Variants in PHF24 observed in about 807,000 individuals in gnomAD.
PHF24 encodes the protein Galpha inhibitory interacting protein.
A neutral mutation model predicts 42.6 loss-of-function variants in PHF24; 25 were observed. That is an observed-to-expected ratio of 0.59 (90% CI 0.43 to 0.82). The LOEUF (loss-of-function observed/expected upper bound fraction) is 0.82, where lower values mean the gene tolerates loss of function less well. PHF24 is among the 40% of genes least tolerant of loss of function. The pLI, the probability that PHF24 is intolerant of heterozygous loss-of-function variation, is 0.00. For synonymous variants in PHF24, 185 were observed against 204.8 expected, an observed-to-expected ratio of 0.90 and a Z score of 0.83; for missense variants, 470 against 538.1, an observed-to-expected ratio of 0.87 and a Z score of 1.25.
At chr9:34,955,539 T>A (rs1192830530), upstream of PHF24, among the ~76,000 whole-genome samples, 1 of 152,146 alleles carries the variant, frequency 6.6e-6, no homozygotes, top group African/African-American at 2.4e-5. Flanking sequence ...TAGCCAGGTG[T>A]GGTGGCACAT....
chr9:34,892,852 T>C, the PHF24 span: 1 of 698,004 alleles, frequency 1.4e-6, no homozygotes, highest in Non-Finnish European at 2.6e-6. Flanking sequence ...ACCGGGCAGC[T>C]GACTGGGTTA....
chr9:34,763,517 A>T, the PHF24 span, among the ~76,000 whole-genome samples: 8 of 152,122 alleles, frequency 5.3e-5, no homozygotes, highest in Admixed American at 1.3e-4. Flanking sequence ...TTGGTATACA[A>T]GAATGCTTGT....
chr9:34,909,129 A>G, the PHF24 span, among the ~76,000 whole-genome samples: 1 of 151,378 alleles, frequency 6.6e-6, no homozygotes, highest in Non-Finnish European at 1.5e-5. Flanking sequence ...ATTACAGGTG[A>G]GCCACCATGC....
chr9:34,854,161 CTCTTT>C, the PHF24 span, among the ~76,000 whole-genome samples: 8 of 131,708 alleles, frequency 6.1e-5, no homozygotes, highest in Admixed American at 4.0e-4. Flanking sequence ...ATTTGGTTCT[CTCTTT>C]TCTTTATTAG....
chr9:34,779,788 C>T, the PHF24 span, among the ~76,000 whole-genome samples: 4 of 152,088 alleles, frequency 2.6e-5, no homozygotes, highest in African/African-American at 4.8e-5. Context: ...TGCAATGGCG[C>T]GATCTTGGCT....
At chr9:34,875,744 G>C in the PHF24 span, among the ~76,000 whole-genome samples, 2 of 152,032 alleles carry the variant, frequency 1.3e-5, no homozygotes, top group Non-Finnish European at 2.9e-5. Flanking sequence ...CTTCCACCAG[G>C]TGTGTCGGTT....
the PHF24 span, among the ~76,000 whole-genome samples, chr9:34,838,807 A>C: frequency 6.6e-6 from 1 of 152,258 alleles, no homozygotes. Flanking sequence ...GTCCTTCACA[A>C]CTGTATGGTC....
At chr9:34,836,857 T>C in the PHF24 span, among the ~76,000 whole-genome samples, 2 of 152,216 alleles carry the variant, frequency 1.3e-5, no homozygotes, top group Admixed American at 6.5e-5. Context: ...ATTTCAGAAC[T>C]ACTGTGACCC....
At chr9:34,690,323 G>A in the PHF24 span, 1 of 1,613,946 alleles carries the variant, frequency 6.2e-7, no homozygotes, top group Non-Finnish European at 8.5e-7. Context: ...CAGCATCATT[G>A]GTGCCACTCA....
At chr9:34,847,396 CTGTT>C in the PHF24 span, among the ~76,000 whole-genome samples, 13 of 152,264 alleles carry the variant, frequency 8.5e-5, no homozygotes, top group Middle Eastern at 3.4e-3. Context: ...ATTTGGCTCT[CTGTT>C]TGTCTGTTAT....
chr9:34,942,861 C>A, the PHF24 span, among the ~76,000 whole-genome samples: 3 of 150,798 alleles, frequency 2.0e-5, no homozygotes, highest in African/African-American at 4.9e-5. Flanking sequence ...GGATGGGGGG[C>A]AGGGGGGAGG....
chr9:34,768,523 G>A, the PHF24 span, among the ~76,000 whole-genome samples: 3 of 152,272 alleles, frequency 2.0e-5, no homozygotes, highest in African/African-American at 7.2e-5. Flanking sequence ...TAAAAAATCT[G>A]TAAAATGGAG....
chr9:34,976,263 G>A (rs1311777349), intron 4 of PHF24, 33 bp downstream of exon 4: 2 of 1,551,662 alleles, frequency 1.3e-6, no homozygotes, highest in East Asian at 2.2e-5. Flanking sequence ...GGATGGAGAG[G>A]GGCCGGGCAG....
chr9:34,685,303 G>A, the PHF24 span, among the ~76,000 whole-genome samples: 2 of 152,150 alleles, frequency 1.3e-5, no homozygotes, highest in Non-Finnish European at 2.9e-5. Context: ...AGTAGGGTGG[G>A]CATTGCTGTA....
chr9:34,917,539 C>T, the PHF24 span: 54 of 775,396 alleles, frequency 7.0e-5, no homozygotes, highest in East Asian at 1.2e-3. Flanking sequence ...AACGGATAAT[C>T]GACGTGATGA....
At chr9:34,804,080 AGAG>A in the PHF24 span, among the ~76,000 whole-genome samples, 1 of 152,172 alleles carries the variant, frequency 6.6e-6, no homozygotes, top group African/African-American at 2.4e-5. Flanking sequence ...GGGGCCAGAG[AGAG>A]ACCCAAGGTT....
the PHF24 span, among the ~76,000 whole-genome samples, chr9:34,857,357 T>C: frequency 3.3e-3 from 510 of 152,314 alleles, 1 homozygote; most frequent in South Asian, 0.018. Flanking sequence ...TATGCAAAAC[T>C]CCTGGGTCTT....
At chr9:34,840,349 A>G in the PHF24 span, among the ~76,000 whole-genome samples, 1 of 148,546 alleles carries the variant, frequency 6.7e-6, no homozygotes. Flanking sequence ...AATGAATTTC[A>G]ATGTTTTATT....
At chr9:34,873,189 G>C in the PHF24 span, among the ~76,000 whole-genome samples, 1 of 151,628 alleles carries the variant, frequency 6.6e-6, no homozygotes, top group Non-Finnish European at 1.5e-5. Flanking sequence ...CTTTTGCTGT[G>C]CAGAAGCTCT....
Sources: gnomAD v4.1 joint callset for allele counts (sites outside exome capture counted in the v4.1 genomes callset) on GRCh38, gnomAD v4.1.1 for gene constraint, MANE v1.5 for transcripts, NCBI Gene and HGNC (gene_info 2026-07-23, HGNC 2026-07-21) for gene names.